Variants in PLCL1 observed in about 807,000 individuals in gnomAD.
PLCL1 encodes phospholipase C like 1 (inactive).
Under a neutral mutation model 84.4 loss-of-function variants are expected in PLCL1, and 41 were observed. The ratio of observed to expected loss-of-function variants is 0.49; its 90% CI spans 0.38 to 0.63. PLCL1 has a LOEUF of 0.63. Among genes scored for constraint, PLCL1 ranks in the 30% least tolerant of loss-of-function variants. PLCL1 has a pLI of 0.00. For synonymous variants in PLCL1, 490 were observed against 488.3 expected, an observed-to-expected ratio of 1.00 and a Z score of -0.05; for missense variants, 1,206 against 1,367.8, an observed-to-expected ratio of 0.88 and a Z score of 1.87.
At chr2:198,099,402 A>G (rs1693278270) in intron 3 of PLCL1, among the ~76,000 whole-genome samples, 1 of 152,082 alleles carries the variant, frequency 6.6e-6, no homozygotes, top group African/African-American at 2.4e-5. Context: ...TTATTGGTAC[A>G]TTTTAGCTAT....
Position 198,084,434 on chromosome 2 carries a change from C to T in PLCL1, c.917C>T (p.Ala306Val). Residue 306 changes from alanine (A) to valine (V), a missense_variant, in exon 2 of 6, where the codon GCT (alanine) becomes GTT (valine). Ala to Val is a moderately conservative substitution (Grantham distance 64). Transcript: ENST00000428675. Reference protein sequence around the residue: ...TRVTEEEFCEAFCELCTRPEV... With the variant: ...TRVTEEEFCEVFCELCTRPEV... ...GTGACCGAAGAGGAATTTTGTGAAG[C>T]TTTTTGTGAACTTTGCACCAGGCCA... The T allele has an allele frequency of 6.2e-7, 1 of 1,614,104 alleles. No homozygotes were observed. The highest frequency in any genetic ancestry group is 8.5e-7 in the Non-Finnish European group (1 of 1,179,972).
At chr2:198,067,213 C>T (rs573956182) in intron 1 of PLCL1, among the ~76,000 whole-genome samples, 31 of 151,362 alleles carry the variant, frequency 2.0e-4, no homozygotes, top group African/African-American at 7.3e-4. Context: ...ACTGCAACCT[C>T]CCCTCCCGGA....
chr2:198,062,278 G>A lies in PLCL1; in HGVS notation c.241-21480G>A, dbSNP rs146914868. 6.8e-4 allele frequency among the ~76,000 whole-genome samples: 104 copies of A among 152,072 alleles called. 3 individuals are homozygous for A. In the South Asian group the frequency reaches 0.014, roughly 20 times the overall value. On this transcript the variant is annotated intron_variant, in intron 1 of 5. Transcript: ENST00000428675. ...TAAAAGACAAGTTTTATCTATTCTAGGGGAGCTCCAAATTTATACAAGACA... is the reference window on the plus strand; with the variant it reads ...TAAAAGACAAGTTTTATCTATTCTAAGGGAGCTCCAAATTTATACAAGACA...
intron 5 of PLCL1, among the ~76,000 whole-genome samples, chr2:198,126,679 C>A (rs2105932427): frequency 6.6e-6 from 1 of 152,188 alleles, no homozygotes; most frequent in Non-Finnish European, 1.5e-5. Context: ...TTGAAGTGGG[C>A]AGATCCCTTG....
chr2:198,010,011 A>G (rs149596827), intron 1 of PLCL1, among the ~76,000 whole-genome samples: 72 of 152,048 alleles, frequency 4.7e-4, no homozygotes, highest in African/African-American at 1.7e-3. Context: ...AATGCAACTG[A>G]TTTTTGATCA....
rs34230346 is a variant in PLCL1, at chr2:197,941,295, AT to A, written c.240+135970del. 8.6e-3 allele frequency among the ~76,000 whole-genome samples: 1,237 copies of A among 143,276 alleles called. 9 individuals are homozygous for A. Among genetic ancestry groups the A allele is most frequent in the African/African-American group, 0.023 (895 of 39,484 alleles). The allele number at this position is 143,276 out of a possible 152,430, so 94.0% of individuals were successfully genotyped here. On this transcript the variant is annotated intron_variant, in intron 1 of 5. Coordinates refer to ENST00000428675, the MANE Select transcript of PLCL1 (RefSeq NM_006226.4). ...GATTTTATCAATGAAGGGGAATACT[AT>A]TTTTTTTTTTTTTGAGACAGGGTCT...
intron 5 of PLCL1, among the ~76,000 whole-genome samples, chr2:198,128,478 G>C (rs551373148): frequency 1.3e-5 from 2 of 152,246 alleles, no homozygotes; most frequent in East Asian, 3.9e-4. Flanking sequence ...CTGGGTCGGA[G>C]ATGAAATTAT....
At chr2:197,936,983 T>C (rs2880389) in intron 1 of PLCL1, among the ~76,000 whole-genome samples, 65,870 of 152,114 alleles carry the variant, frequency 0.43, 14,636 homozygotes, top group Middle Eastern at 0.58. Context: ...AAGGTCCATT[T>C]TCTTTCTTCT....
At chr2:198,141,112 C>T (rs971726285) in intron 5 of PLCL1, among the ~76,000 whole-genome samples, 6 of 152,076 alleles carry the variant, frequency 3.9e-5, no homozygotes, top group African/African-American at 1.4e-4. Flanking sequence ...TCAGCCAAGA[C>T]TGTTAGAACA....
At chr2:197,806,943 C>T (rs149743545) in intron 1 of PLCL1, among the ~76,000 whole-genome samples, 1 of 152,298 alleles carries the variant, frequency 6.6e-6, no homozygotes, top group East Asian at 1.9e-4. Context: ...TTTATATTCT[C>T]AGAAGGGTCA....
chr2:198,031,384 A>T (rs117770963), intron 1 of PLCL1, among the ~76,000 whole-genome samples: 1 of 151,892 alleles, frequency 6.6e-6, no homozygotes, highest in Non-Finnish European at 1.5e-5. Context: ...TATATATATA[A>T]TATATAATGT....
At chr2:198,056,086 T>C (rs959791892) in intron 1 of PLCL1, among the ~76,000 whole-genome samples, 7 of 152,210 alleles carry the variant, frequency 4.6e-5, no homozygotes, top group African/African-American at 1.7e-4. Context: ...CTAAGATGCC[T>C]GTGTTTCAAT....
In PLCL1 at chr2:197,940,575, T is replaced by C. The variant is rs1467771350; in HGVS notation, c.240+135236T>C. 2.0e-5 allele frequency among the ~76,000 whole-genome samples: 3 copies of C among 152,228 alleles called. No homozygotes were observed. The East Asian group carries it at 5.8e-4, about 29-fold the overall frequency. On this transcript the variant is annotated intron_variant, in intron 1 of 5. Coordinates refer to ENST00000428675, the MANE Select transcript of PLCL1 (RefSeq NM_006226.4). ...GACAACAGCTGGCTGCTTCCCAGAA[T>C]GCAGTGCTGTGACAGAGATTATGTT... is the stretch of plus-strand genomic sequence containing the variant.
At chr2:198,067,878 G>C (rs909805552) in intron 1 of PLCL1, among the ~76,000 whole-genome samples, 2 of 152,134 alleles carry the variant, frequency 1.3e-5, no homozygotes, top group Admixed American at 6.5e-5. Context: ...ACACAAAGTG[G>C]TTTTACTTGG....
At chr2:198,060,276 A>G (rs909312716) in intron 1 of PLCL1, among the ~76,000 whole-genome samples, 3 of 152,246 alleles carry the variant, frequency 2.0e-5, no homozygotes, top group Non-Finnish European at 4.4e-5. Context: ...GGTAATGGGC[A>G]GTGGAACCCA....
intron 1 of PLCL1, among the ~76,000 whole-genome samples, chr2:197,911,332 G>A (rs995125103): frequency 2.0e-5 from 3 of 151,650 alleles, no homozygotes; most frequent in African/African-American, 7.3e-5. Context: ...GTGTGACCCT[G>A]TCTCAAAAAA....
At chr2:197,968,083 G>T (rs1444162125) in intron 1 of PLCL1, among the ~76,000 whole-genome samples, 1 of 152,128 alleles carries the variant, frequency 6.6e-6, no homozygotes, top group African/African-American at 2.4e-5. Flanking sequence ...ATTACCTCAA[G>T]ATAACATACA....
At chr2:197,968,956 G>A (rs1268819019) in intron 1 of PLCL1, among the ~76,000 whole-genome samples, 4 of 152,174 alleles carry the variant, frequency 2.6e-5, no homozygotes, top group African/African-American at 9.7e-5. Flanking sequence ...TTAGGAACCG[G>A]GCCACACAGC....
At chr2:197,814,529 T>C (rs1690650544) in intron 1 of PLCL1, among the ~76,000 whole-genome samples, 1 of 152,184 alleles carries the variant, frequency 6.6e-6, no homozygotes, top group Non-Finnish European at 1.5e-5. Flanking sequence ...TGAAATTAGT[T>C]CAGTTAATAA....
Sources: gnomAD v4.1 joint callset for allele counts (sites outside exome capture counted in the v4.1 genomes callset) on GRCh38, gnomAD v4.1.1 for gene constraint, MANE v1.5 for transcripts, NCBI Gene and HGNC (gene_info 2026-07-23, HGNC 2026-07-21) for gene names.